Variants in THAP4 observed in about 807,000 individuals in gnomAD.
THAP4 encodes THAP domain containing 4, also known as peroxynitrite isomerase THAP4.
THAP4 carries 18 observed loss-of-function variants against 48.1 expected under a neutral mutation model. The ratio of observed to expected loss-of-function variants is 0.37; its 90% CI spans 0.26 to 0.56. The LOEUF is 0.56. Among genes scored for constraint, THAP4 ranks in the 20% least tolerant of loss-of-function variants. THAP4 has a pLI of 0.78. For synonymous variants in THAP4, 345 were observed against 324.9 expected, an observed-to-expected ratio of 1.06 and a Z score of -0.66; for missense variants, 656 against 774.9, an observed-to-expected ratio of 0.85 and a Z score of 1.82.
chr2:241,636,440 G>C (rs779226308), intron 1 of THAP4, among the ~76,000 whole-genome samples: 1 of 152,220 alleles, frequency 6.6e-6, no homozygotes, highest in Admixed American at 6.5e-5. Context: ...GGGAGCGCAG[G>C]AGGATGCCGT....
intron 2 of THAP4, chr2:241,617,478 A>T: frequency 6.5e-7 from 1 of 1,548,958 alleles, no homozygotes; most frequent in South Asian, 1.2e-5. Context: ...CTGCCAATTG[A>T]CGGGAAATGT....
chr2:241,604,934 A>C (rs1402347429), intron 3 of THAP4, among the ~76,000 whole-genome samples: 1 of 152,228 alleles, frequency 6.6e-6, no homozygotes, highest in Non-Finnish European at 1.5e-5. Flanking sequence ...AACCCCGACA[A>C]AGAAATACAT....
At chr2:241,602,389 G>C (rs2067126520) in intron 4 of THAP4, among the ~76,000 whole-genome samples, 1 of 148,762 alleles carries the variant, frequency 6.7e-6, no homozygotes, top group South Asian at 2.1e-4. Flanking sequence ...TTTTGAGACA[G>C]AATCTCGCTC....
chr2:241,618,540 G>A (rs542574030), intron 2 of THAP4, among the ~76,000 whole-genome samples: 2 of 152,146 alleles, frequency 1.3e-5, no homozygotes, highest in East Asian at 3.9e-4. Flanking sequence ...ATATACCACA[G>A]CCTTAAAACA....
intron 4 of THAP4, among the ~76,000 whole-genome samples, chr2:241,602,455 C>A (rs1250860994): frequency 6.6e-6 from 1 of 151,922 alleles, no homozygotes; most frequent in Non-Finnish European, 1.5e-5. Flanking sequence ...ACCTCTGCCT[C>A]CCAGGTTCAA....
chr2:241,614,692 C>T (rs1234040440), intron 2 of THAP4, among the ~76,000 whole-genome samples: 3 of 152,052 alleles, frequency 2.0e-5, no homozygotes, highest in East Asian at 1.9e-4. Context: ...TCGAGACCAG[C>T]CTGACCAACA....
chr2:241,624,899 G>C (rs1468425804), intron 2 of THAP4, among the ~76,000 whole-genome samples: 2 of 152,152 alleles, frequency 1.3e-5, no homozygotes, highest in African/African-American at 2.4e-5. Flanking sequence ...AAGGTGGTCG[G>C]AGCGCCATTT....
At chr2:241,614,889 CAAAACAAAAACAAAAACA>C (rs201967097) in intron 2 of THAP4, among the ~76,000 whole-genome samples, 6 of 151,480 alleles carry the variant, frequency 4.0e-5, no homozygotes, top group Non-Finnish European at 8.8e-5. Flanking sequence ...AACTCCATCT[CAAAACAAAAACAAAAACA>C]AAAACAAAAA....
At chr2:241,632,388 C>A (rs2067576348) in intron 2 of THAP4, among the ~76,000 whole-genome samples, 1 of 152,128 alleles carries the variant, frequency 6.6e-6, no homozygotes, top group Non-Finnish European at 1.5e-5. Flanking sequence ...GTGTGAGCCA[C>A]CGAGTCCAGC....
At chr2:241,585,703 T>G (rs766697522) in intron 5 of THAP4, among the ~76,000 whole-genome samples, 1 of 151,716 alleles carries the variant, frequency 6.6e-6, no homozygotes, top group Non-Finnish European at 1.5e-5. Context: ...TGGGGCCTTC[T>G]CAGACTCATG....
At chr2:241,615,047 G>A (rs1456140587) in intron 2 of THAP4, among the ~76,000 whole-genome samples, 3 of 152,232 alleles carry the variant, frequency 2.0e-5, no homozygotes, top group Admixed American at 6.5e-5. Context: ...AATGCAGTGA[G>A]ACTAGAAATG....
chr2:241,635,773 AAAAG>A (rs1186699716), intron 1 of THAP4, among the ~76,000 whole-genome samples: 5 of 152,144 alleles, frequency 3.3e-5, no homozygotes, highest in African/African-American at 1.2e-4. Context: ...CTTCTCAAAA[AAAAG>A]AGAAAAAAAG....
chr2:241,621,351 ATAATAG>A (rs917903818), intron 2 of THAP4, among the ~76,000 whole-genome samples: 1 of 152,214 alleles, frequency 6.6e-6, no homozygotes, highest in African/African-American at 2.4e-5. Context: ...CCATCTCAAA[ATAATAG>A]TAATAATAAT....
At chr2:241,636,531 G>A (rs944574982) in intron 1 of THAP4, among the ~76,000 whole-genome samples, 7 of 152,240 alleles carry the variant, frequency 4.6e-5, no homozygotes, top group Non-Finnish European at 1.0e-4. Flanking sequence ...GCCCTCTCGG[G>A]GGCTGTCAGC....
chr2:241,616,272 G>C lies in THAP4; in HGVS notation c.1241-9799C>G, dbSNP rs1207234268. Among the ~76,000 whole-genome samples the C allele has an allele frequency of 6.6e-6, 1 of 152,222 alleles. No individual in the cohort carries two copies. Among genetic ancestry groups the C allele is most frequent in the Non-Finnish European group, 1.5e-5 (1 of 68,040 alleles). The stretch of plus-strand genomic sequence containing the variant: ...TGAGATAAGAGGGATGGGTGGGCTG[G>C]AGATGGCCAGCAGCTGGCATTGCTG... On this transcript the variant is annotated intron_variant, in intron 2 of 5. Transcript: ENST00000407315. The surrounding 1 kb of genome is among the most constrained non-coding windows in gnomAD (Gnocchi z 4.6).
rs2067247267 is a variant in THAP4, at chr2:241,610,160, C to G, written c.1241-3687G>C. Reference sequence around the variant, plus strand: ...TGGAACAGGGGCACCAGGGCCGCGGCGCCGGGCATGGCCTTCACACTCCCC... The same window carrying G: ...TGGAACAGGGGCACCAGGGCCGCGGGGCCGGGCATGGCCTTCACACTCCCC... On this transcript the variant is annotated intron_variant, in intron 2 of 5. Transcript: ENST00000407315. This position sits in a 1 kb window ranked among gnomAD's most constrained non-coding sequence, Gnocchi z 4.2. Among the ~76,000 whole-genome samples, 2 of 152,198 alleles carry G rather than the reference C, an allele frequency of 1.3e-5. No individual in the cohort carries two copies. The highest frequency in any genetic ancestry group is 4.8e-5 in the African/African-American group (2 of 41,452).
chr2:241,611,759 A>G (rs1227497338), intron 2 of THAP4, among the ~76,000 whole-genome samples: 1 of 151,828 alleles, frequency 6.6e-6, no homozygotes, highest in Non-Finnish European at 1.5e-5. Flanking sequence ...AAAGAAAGGC[A>G]TGCTGCTCCT....
intron 5 of THAP4, among the ~76,000 whole-genome samples, chr2:241,600,301 G>A (rs184120961): frequency 6.6e-6 from 1 of 152,334 alleles, no homozygotes; most frequent in East Asian, 1.9e-4. Flanking sequence ...GGAATTCGAT[G>A]AATGGTGTTG....
chr2:241,628,383 G>C (rs1020886185), intron 2 of THAP4, among the ~76,000 whole-genome samples: 1 of 151,504 alleles, frequency 6.6e-6, no homozygotes, highest in African/African-American at 2.4e-5. Context: ...CAGACTGCCT[G>C]TTCAAACTCT....
Sources: gnomAD v4.1 joint callset for allele counts (sites outside exome capture counted in the v4.1 genomes callset) on GRCh38, gnomAD v4.1.1 for gene constraint, Gnocchi (gnomAD v3.1) non-coding constraint, MANE v1.5 for transcripts, NCBI Gene and HGNC (gene_info 2026-07-23, HGNC 2026-07-21) for gene names.